Variants in LAS1L observed in about 807,000 individuals in gnomAD.
LAS1L encodes the protein LAS1 like ribosome biogenesis factor.
Under a neutral mutation model 57.3 loss-of-function variants are expected in LAS1L, and 5 were observed. The ratio of observed to expected loss-of-function variants is 0.09; its 90% confidence interval spans 0.05 to 0.18. The LOEUF (loss-of-function observed/expected upper bound fraction) is 0.18, where lower values mean the gene tolerates loss of function less well. Ranked by LOEUF, LAS1L falls within the 10% of genes least tolerant of loss-of-function variation. LAS1L has a pLI of 1.00. For missense variants in LAS1L, 360 were observed against 568.3 expected, an observed-to-expected ratio of 0.63 and a Z score of 3.73; for synonymous variants, 245 against 231.7, an observed-to-expected ratio of 1.06 and a Z score of -0.52.
At chrX:65,514,759 C>G in intron 13 of LAS1L, 64 bp downstream of exon 13, 2 of 1,063,694 alleles carry the variant, frequency 1.9e-6, no homozygotes, top group Non-Finnish European at 2.5e-6. Context: ...CTCACCTTGT[C>G]TTCTCTCCCT....
At chrX:65,531,194 T>C (rs2069470811) in intron 4 of LAS1L, among the ~76,000 whole-genome samples, 163 bp downstream of exon 4, 1 of 112,168 alleles carries the variant, frequency 8.9e-6, no homozygotes, top group Non-Finnish European at 1.9e-5. Context: ...TTTTGACTTC[T>C]CCCCACTTTA....
chrX:65,524,479 G>A, intron 9 of LAS1L, 85 bp downstream of exon 9: 2 of 505,172 alleles, frequency 4.0e-6, no homozygotes, highest in Non-Finnish European at 7.3e-6. Flanking sequence ...AAACCAGTTA[G>A]TATCTGGCAA....
Position 65,534,763 on chromosome X carries a change from C to T in LAS1L, c.-48G>A, listed in dbSNP as rs1297811917. The T allele has an allele frequency of 9.7e-7, 1 of 1,032,420 alleles. No homozygotes were observed. The highest frequency in any genetic ancestry group is 1.3e-6 in the Non-Finnish European group (1 of 757,317). The allele number at this position is 1,032,420 out of a possible 1,213,427, so 85.1% of individuals were successfully genotyped here. ...GTGCCGCGCCGCTCCGCACAGCCTT[C>T]AGCTCAGCGTGCTACCCTCACTCCG... On this transcript the variant is annotated 5_prime_UTR_variant, in exon 1 of 14. Transcript: ENST00000374811.
chrX:65,531,313 G>T (rs770844127), intron 4 of LAS1L, 44 bp downstream of exon 4: 1 of 1,024,878 alleles, frequency 9.8e-7, no homozygotes, highest in Non-Finnish European at 1.4e-6. Context: ...CCAAGCCCAG[G>T]CCCCTGGGCT....
chrX:65,530,417 G>A (rs745432251), intron 4 of LAS1L, among the ~76,000 whole-genome samples: 3 of 111,218 alleles, frequency 2.7e-5, no homozygotes, highest in South Asian at 3.8e-4. Flanking sequence ...TGTGGTTCAC[G>A]CCTATAATCC....
intron 10 of LAS1L, 22 bp from the exon 11 acceptor site, chrX:65,523,729 A>G (rs745536075): frequency 8.7e-7 from 1 of 1,155,184 alleles, no homozygotes; most frequent in Non-Finnish European, 1.2e-6. Context: ...GAGAGGATCT[A>G]AGGAGAAGGA....
Position 65,515,076 on chromosome X carries a change from G to C in LAS1L, c.1928-103C>G, listed in dbSNP as rs914619595. On this transcript the variant is annotated intron_variant, in intron 12 of 13. Transcript: ENST00000374811. Reference sequence around the variant, plus strand: ...CCATCCACCCACCCCACTTAGCACAGGTGGGCTCTCTCAGGATCTCCAGCT... The same window carrying C: ...CCATCCACCCACCCCACTTAGCACACGTGGGCTCTCTCAGGATCTCCAGCT... The C allele has an allele frequency of 2.1e-5, 17 of 800,984 alleles. No individual in the cohort carries two copies. The African/African-American group carries it at 2.3e-4, about 11-fold the overall frequency. 66.0% of individuals were successfully genotyped at this position (800,984 alleles called of 1,213,427 possible).
chrX:65,514,795 G>C, intron 13 of LAS1L, 28 bp downstream of exon 13: 1 of 1,144,152 alleles, frequency 8.7e-7, no homozygotes, highest in Non-Finnish European at 1.2e-6. Context: ...GAAAGGGGGT[G>C]AGAAATCCTG....
In LAS1L at chrX:65,523,631, G is replaced by A. The variant is rs1486524117; in HGVS notation, c.1377C>T (p.Ser459=). The stretch of plus-strand genomic sequence containing the variant: ...ACTCAACCATCCGGGGCCAGTCAAG[G>A]GAGGCGGAGCAGTTGAACAGCCTCC... ...RGWRLFNCSA[S]LDWPRMVESC... is the part of the protein sequence containing the mutation. The change falls in exon 11 of 14, where the codon TCC becomes TCT. Residue 459 remains serine (S), a synonymous_variant. Coordinates refer to ENST00000374811, the MANE Select transcript of LAS1L (RefSeq NM_031206.7). The A allele has an allele frequency of 8.3e-7, 1 of 1,201,359 alleles. No homozygotes were observed. The highest frequency in any genetic ancestry group is 1.1e-6 in the Non-Finnish European group (1 of 889,997).
chrX:65,515,094 C>T (rs1602569481), intron 12 of LAS1L, 121 bp from the exon 13 acceptor site: 2 of 636,693 alleles, frequency 3.1e-6, no homozygotes, highest in East Asian at 7.4e-5. Context: ...CTCTCAGGAT[C>T]TCCAGCTTCA....
At chrX:65,530,069 C>A (rs1466451897) in intron 4 of LAS1L, among the ~76,000 whole-genome samples, 191 bp from the exon 5 acceptor site, 1 of 112,575 alleles carries the variant, frequency 8.9e-6, no homozygotes, top group Non-Finnish European at 1.9e-5. Context: ...TGCTTACCAG[C>A]ACTTTTTCTA....
chrX:65,527,210 C>T (rs868602364), intron 7 of LAS1L, among the ~76,000 whole-genome samples: 1 of 10,998 alleles, frequency 9.1e-5, no homozygotes, highest in Non-Finnish European at 2.3e-4. Context: ...AACTCTGTCT[C>T]AAAAAAAAAA....
chrX:65,519,473 G>A (rs186977584), intron 11 of LAS1L, among the ~76,000 whole-genome samples: 1 of 112,052 alleles, frequency 8.9e-6, no homozygotes, highest in Non-Finnish European at 1.9e-5. Flanking sequence ...CTGGGGCACT[G>A]GCAGTGGAGA....
At chrX:65,521,305 G>A in intron 11 of LAS1L, 2 of 751,929 alleles carry the variant, frequency 2.7e-6, no homozygotes, top group Non-Finnish European at 3.1e-6. Context: ...GAATGAGAGA[G>A]CAGAGCACGG....
At position 65,518,088 on chromosome X, in the gene LAS1L, C is replaced by T; in HGVS notation, c.1826G>A (p.Gly609Glu). ...GGACTCTTGCCCTGTAGAGAAAGGC[C>T]CCACCTCCATTCTGTCTTCCTCTTC... ...DDEEEDRMEV[G>E]PFSTGQESPT... Residue 609 changes from glycine (G) to glutamate (E), a missense_variant, in exon 12 of 14, where the codon GGG (glycine) becomes GAG (glutamate). By Grantham distance (98) the Gly-to-Glu change is moderately conservative. Transcript: ENST00000374811. The T allele has an allele frequency of 8.3e-7, 1 of 1,209,979 alleles. No homozygotes were observed. Among genetic ancestry groups the T allele is most frequent in the Non-Finnish European group, 1.1e-6 (1 of 893,827 alleles).
At chrX:65,513,209 C>T (rs1435474920) in intron 13 of LAS1L, among the ~76,000 whole-genome samples, 1 of 112,284 alleles carries the variant, frequency 8.9e-6, no homozygotes, top group African/African-American at 3.2e-5. Context: ...CCCCACATAA[C>T]CTGACTCCCA....
intron 12 of LAS1L, among the ~76,000 whole-genome samples, chrX:65,517,176 C>T (rs1408685008): frequency 1.8e-5 from 2 of 111,727 alleles, no homozygotes; most frequent in Non-Finnish European, 3.8e-5. Context: ...CACAGCATTC[C>T]TTATTCTGTC....
At position 65,534,737 on chromosome X, in the gene LAS1L, T is replaced by C. The variant is rs771288415; in HGVS notation, c.-22A>G. 1.8e-6 allele frequency: 2 copies of C among 1,116,319 alleles called. No individual in the cohort carries two copies. Among genetic ancestry groups the C allele is most frequent in the Admixed American group, 2.6e-5 (1 of 38,159 alleles). The allele number at this position is 1,116,319 out of a possible 1,213,427, so 92.0% of individuals were successfully genotyped here. A position where few individuals can be genotyped will look rare whatever the true frequency, so the allele number is the denominator to read the frequency against. On this transcript the variant is annotated 5_prime_UTR_variant, in exon 1 of 14. Coordinates refer to ENST00000374811, the MANE Select transcript of LAS1L (RefSeq NM_031206.7). ...ACATACTGAGCTCAACAACAGGCTC[T>C]GTGCCGCGCCGCTCCGCACAGCCTT...
chrX:65,525,196 G>A (rs1602618269), intron 7 of LAS1L, 146 bp from the exon 8 acceptor site: 2 of 460,639 alleles, frequency 4.3e-6, no homozygotes, highest in African/African-American at 2.4e-5. Flanking sequence ...GGTAGGAGTG[G>A]GGAGGAAGGG....
Sources: gnomAD v4.1 joint callset for allele counts (sites outside exome capture counted in the v4.1 genomes callset) on GRCh38, gnomAD v4.1.1 for gene constraint, MANE v1.5 for transcripts, NCBI Gene and HGNC (gene_info 2026-07-23, HGNC 2026-07-21) for gene names.